The following RYR2 variants were observed in gnomAD, a reference collection of about 807,000 sequenced individuals.
The protein encoded by RYR2 is cardiac muscle ryanodine receptor-calcium release channel.
RYR2 carries 227 observed loss-of-function variants against 601.1 expected under a neutral mutation model. The observed-to-expected ratio is 0.38, with a 90% CI of 0.34 to 0.42. RYR2 has a LOEUF of 0.42. Ranked by LOEUF, RYR2 falls within the 10% of genes least tolerant of loss-of-function variation. The pLI, the probability that RYR2 is intolerant of heterozygous loss-of-function variation, is 1.00. For synonymous variants in RYR2, 2,223 were observed against 2,175.1 expected, an observed-to-expected ratio of 1.02 and a Z score of -0.61; for missense variants, 4,646 against 6,156.5, an observed-to-expected ratio of 0.75 and a Z score of 8.21.
chr1:237,548,694 T>C, intron 26 of RYR2, 104 bp downstream of exon 26: 1 of 1,363,316 alleles, frequency 7.3e-7, no homozygotes, highest in South Asian at 1.4e-5. Flanking sequence ...TTGTATCATA[T>C]AGATCACATA....
intron 62 of RYR2, among the ~76,000 whole-genome samples, chr1:237,684,654 A>C (rs998993087): frequency 2.4e-4 from 37 of 152,268 alleles, no homozygotes; most frequent in African/African-American, 8.7e-4. Context: ...TATTTATCGG[A>C]GTATAAGGTA....
At chr1:237,456,829 C>T (rs1658889129) in intron 16 of RYR2, 94 bp downstream of exon 16, 1 of 1,384,524 alleles carries the variant, frequency 7.2e-7, no homozygotes, top group South Asian at 1.6e-5. Flanking sequence ...GTAATTCCAG[C>T]AATTTGGGAG....
At chr1:237,322,883 T>C (rs77272843) in intron 2 of RYR2, among the ~76,000 whole-genome samples, 1 of 151,496 alleles carries the variant, frequency 6.6e-6, no homozygotes, top group African/African-American at 2.4e-5. Context: ...AAACCTTTTT[T>C]GAGGAAAGAG....
At chr1:237,809,134 AT>A (rs1660984027) in intron 100 of RYR2, 99 bp downstream of exon 100, 1 of 1,141,382 alleles carries the variant, frequency 8.8e-7, no homozygotes, top group Non-Finnish European at 1.3e-6. Context: ...AAAATAGAAA[AT>A]AGTCTAAACA....
chr1:237,100,895 C>T (rs948827720), intron 1 of RYR2, among the ~76,000 whole-genome samples: 1 of 152,060 alleles, frequency 6.6e-6, no homozygotes, highest in Non-Finnish European at 1.5e-5. Flanking sequence ...CTCTTTCATC[C>T]CATCTGTCCC....
At chr1:237,804,527 G>A (rs1393141958) in intron 98 of RYR2, among the ~76,000 whole-genome samples, 1 of 152,066 alleles carries the variant, frequency 6.6e-6, no homozygotes, top group Non-Finnish European at 1.5e-5. Flanking sequence ...ATGGAGCAGA[G>A]ACTGTAGTCC....
At position 237,100,390 on chromosome 1, in the gene RYR2, C is replaced by CCTCT. The variant is rs34925489; in HGVS notation, c.48+57837_48+57840dup. Among the ~76,000 whole-genome samples the CCTCT allele has an allele frequency of 8.6e-4, 126 of 146,210 alleles. 1 individual carries two copies. The highest frequency in any genetic ancestry group is 1.4e-3 in the Admixed American group (21 of 14,550). On this transcript the variant is annotated intron_variant, in intron 1 of 104. Transcript: ENST00000366574. ...TTCCTCTTCTTCTTTTTTTTTCTTT[C>CCTCT]CTCTCTCTCTCTCTCTCTCAGAGTC...
intron 38 of RYR2, among the ~76,000 whole-genome samples, chr1:237,620,571 A>G (rs934369776): frequency 6.6e-6 from 1 of 152,098 alleles, no homozygotes; most frequent in African/African-American, 2.4e-5. Context: ...CACTTCAAAT[A>G]TAATAATGTA....
Position 237,675,159 on chromosome 1 carries a change from A to G in RYR2, c.8830+313A>G, listed in dbSNP as rs75738584. 3.7e-4 allele frequency among the ~76,000 whole-genome samples: 56 copies of G among 152,330 alleles called. No individual in the cohort carries two copies. In the East Asian group the frequency reaches 0.01, roughly 27 times the overall value. On this transcript the variant is annotated intron_variant, in intron 60 of 104. Transcript: ENST00000366574. ...TTGAAGGTAGAGTTAAATCTCGCCT[A>G]TGAAATCAGTTGCTCTACTCATAAG...
chr1:237,060,193 A>G (rs905404513), intron 1 of RYR2, among the ~76,000 whole-genome samples: 2 of 152,202 alleles, frequency 1.3e-5, no homozygotes, highest in African/African-American at 2.4e-5. Context: ...CAAATTATAT[A>G]TAAAATTATA....
At chr1:237,542,239 A>G (rs926357388) in intron 25 of RYR2, among the ~76,000 whole-genome samples, 4 of 152,058 alleles carry the variant, frequency 2.6e-5, no homozygotes, top group African/African-American at 9.7e-5. Context: ...GATTGGAGGC[A>G]TGCATCACCA....
chr1:237,085,633 G>T (rs927704999), intron 1 of RYR2, among the ~76,000 whole-genome samples: 1 of 152,212 alleles, frequency 6.6e-6, no homozygotes, highest in African/African-American at 2.4e-5. Context: ...AGAACCAAGA[G>T]CATTTGAGGT....
At chr1:237,224,969 A>G (rs2149159569) in intron 1 of RYR2, among the ~76,000 whole-genome samples, 1 of 152,286 alleles carries the variant, frequency 6.6e-6, no homozygotes, top group Middle Eastern at 3.4e-3. Context: ...GCAGAGAGGG[A>G]TTTGAACATT....
At chr1:237,127,605 G>A (rs1438427927) in intron 1 of RYR2, among the ~76,000 whole-genome samples, 6 of 145,866 alleles carry the variant, frequency 4.1e-5, no homozygotes, top group East Asian at 2.1e-4. Flanking sequence ...GCTGCCGGGC[G>A]GAGACGCTCC....
intron 1 of RYR2, among the ~76,000 whole-genome samples, chr1:237,265,243 A>G (rs1228616903): frequency 6.6e-6 from 1 of 152,178 alleles, no homozygotes; most frequent in Non-Finnish European, 1.5e-5. Flanking sequence ...GAGAAAAGGC[A>G]TGAAGGAAGG....
Position 237,700,301 on chromosome 1 carries a change from T to C in RYR2, c.9201T>C (p.Asp3067=), listed in dbSNP as rs750750240. Residue 3067 remains aspartate, a synonymous_variant, in exon 65 of 105, where the codon GAT becomes GAC. Coordinates refer to ENST00000366574, the MANE Select transcript of RYR2 (RefSeq NM_001035.3). Reference sequence around the variant, plus strand: ...CTTTTCTGGACAACGCTGCAGAGGATCTGGAGAAGACCATGGAAAACCTCA... The same window carrying C: ...CTTTTCTGGACAACGCTGCAGAGGACCTGGAGAAGACCATGGAAAACCTCA... The part of the protein sequence containing the change: ...LRAFLDNAAE[D]LEKTMENLKQ... 6.3e-7 allele frequency: 1 copy of C among 1,593,338 alleles called. No homozygotes were observed. The highest frequency in any genetic ancestry group is 8.6e-7 in the Non-Finnish European group (1 of 1,169,164).
At chr1:237,568,320 A>T (rs1395435200) in intron 28 of RYR2, among the ~76,000 whole-genome samples, 1 of 152,210 alleles carries the variant, frequency 6.6e-6, no homozygotes, top group Non-Finnish European at 1.5e-5. Context: ...TCTGTCTGGT[A>T]ACGTACCGAT....
chr1:237,324,287 G>A (rs1695931052), intron 2 of RYR2, among the ~76,000 whole-genome samples: 1 of 152,152 alleles, frequency 6.6e-6, no homozygotes, highest in South Asian at 2.1e-4. Flanking sequence ...CCTGGTTCAT[G>A]TCTCTAGTTG....
intron 79 of RYR2, among the ~76,000 whole-genome samples, chr1:237,736,834 A>G (rs1282803153): frequency 1.3e-5 from 2 of 152,254 alleles, no homozygotes; most frequent in Non-Finnish European, 2.9e-5. Flanking sequence ...GAGGACAACT[A>G]GCAATTCTCA....
Sources: allele counts gnomAD v4.1 joint callset (sites outside exome capture counted in the v4.1 genomes callset), GRCh38; gene constraint gnomAD v4.1.1; transcripts MANE v1.5; gene names NCBI Gene and HGNC (gene_info 2026-07-23, HGNC 2026-07-21).